The following ARFIP1 variants were observed in gnomAD, a reference collection of about 807,000 sequenced individuals.
ARFIP1 encodes the protein arfaptin-1.
A neutral mutation model predicts 42.5 loss-of-function variants in ARFIP1; 24 were observed. The ratio of observed to expected loss-of-function variants is 0.57; its 90% CI spans 0.41 to 0.80. The LOEUF is 0.80. ARFIP1 is among the 30% of genes least tolerant of loss of function. The probability of loss-of-function intolerance (pLI) is 0.00; values close to 1 mark genes in which losing one functional copy is unlikely to be tolerated. For missense variants in ARFIP1, 354 were observed against 434.0 expected (o/e 0.82, Z 1.64); for synonymous variants, 141 against 153.7 (o/e 0.92, Z 0.61).
intron 1 of ARFIP1, among the ~76,000 whole-genome samples, chr4:152,818,277 C>T (rs1578862561): frequency 2.6e-5 from 4 of 152,284 alleles, no homozygotes; most frequent in South Asian, 4.1e-4. Context: ...AATGGTGTCT[C>T]CAGAGCTTGG....
At chr4:152,803,589 G>A (rs908691237) in intron 1 of ARFIP1, among the ~76,000 whole-genome samples, 2 of 152,088 alleles carry the variant, frequency 1.3e-5, no homozygotes, top group African/African-American at 4.8e-5. Context: ...AAACCACTGA[G>A]CTGTCATGAT....
chr4:152,862,241 T>C (rs1040973199), intron 2 of ARFIP1, among the ~76,000 whole-genome samples: 4 of 152,158 alleles, frequency 2.6e-5, no homozygotes, highest in African/African-American at 9.7e-5. Context: ...CTAACCCTAT[T>C]CCATCCCTCC....
At chr4:152,793,449 G>T (rs888592954) in intron 1 of ARFIP1, among the ~76,000 whole-genome samples, 4 of 151,534 alleles carry the variant, frequency 2.6e-5, no homozygotes, top group African/African-American at 9.7e-5. Flanking sequence ...GAATGATAAT[G>T]ATGTACAGTG....
intron 3 of ARFIP1, among the ~76,000 whole-genome samples, chr4:152,866,446 C>T (rs1294654946): frequency 1.7e-4 from 25 of 149,798 alleles, no homozygotes; most frequent in Non-Finnish European, 3.0e-4. Flanking sequence ...TAGGGGCGGC[C>T]GGGCAGAGGC....
intron 1 of ARFIP1, among the ~76,000 whole-genome samples, chr4:152,813,327 A>G (rs1242437370): frequency 6.6e-6 from 1 of 152,118 alleles, no homozygotes; most frequent in Admixed American, 6.5e-5. Flanking sequence ...GGGGTCCTGG[A>G]ACCAGTCCCC....
intron 8 of ARFIP1, among the ~76,000 whole-genome samples, chr4:152,893,882 G>A (rs553295185): frequency 5.7e-4 from 87 of 151,978 alleles, no homozygotes; most frequent in Non-Finnish European, 1.0e-3. Flanking sequence ...TTCACTCACA[G>A]TGTTTCATAT....
At chr4:152,831,702 A>G (rs571672391) in intron 2 of ARFIP1, among the ~76,000 whole-genome samples, 17 of 152,312 alleles carry the variant, frequency 1.1e-4, no homozygotes, top group Admixed American at 4.6e-4. Flanking sequence ...CTCTTTTTCA[A>G]CTGGCTTTCA....
chr4:152,784,038 C>T (rs1020338488), intron 1 of ARFIP1, among the ~76,000 whole-genome samples: 2 of 152,076 alleles, frequency 1.3e-5, no homozygotes, highest in African/African-American at 4.8e-5. Flanking sequence ...TAGAATAATA[C>T]ATTTGGGATG....
chr4:152,799,719 G>A (rs1223697694), intron 1 of ARFIP1, among the ~76,000 whole-genome samples: 1 of 151,854 alleles, frequency 6.6e-6, no homozygotes, highest in Non-Finnish European at 1.5e-5. Flanking sequence ...TTTAAGATCA[G>A]ATCTCTGAAT....
At chr4:152,884,943 C>T (rs1159023168) in intron 7 of ARFIP1, among the ~76,000 whole-genome samples, 2 of 152,032 alleles carry the variant, frequency 1.3e-5, no homozygotes, top group Non-Finnish European at 2.9e-5. Context: ...AAGGGAAACC[C>T]TTACACAGCC....
chr4:152,788,796 A>G (rs912907614), intron 1 of ARFIP1, among the ~76,000 whole-genome samples: 11 of 140,390 alleles, frequency 7.8e-5, no homozygotes, highest in African/African-American at 2.9e-4. Flanking sequence ...ACTTTTCCCC[A>G]ATGTCTTTTT....
chr4:152,849,660 G>A (rs571324020), intron 2 of ARFIP1, among the ~76,000 whole-genome samples: 1 of 152,180 alleles, frequency 6.6e-6, no homozygotes. Context: ...GAAATTGTGT[G>A]TCTGTGGCAG....
At chr4:152,793,169 G>GT (rs1731231128) in intron 1 of ARFIP1, among the ~76,000 whole-genome samples, 1 of 151,734 alleles carries the variant, frequency 6.6e-6, no homozygotes, top group Admixed American at 6.6e-5. Context: ...CTTAAGTCTT[G>GT]TTACTCCCAT....
intron 1 of ARFIP1, among the ~76,000 whole-genome samples, chr4:152,816,648 A>G (rs1729910705): frequency 6.6e-6 from 1 of 152,240 alleles, no homozygotes; most frequent in Non-Finnish European, 1.5e-5. Flanking sequence ...ACTAGAATGT[A>G]AGCTCTATGA....
intron 2 of ARFIP1, among the ~76,000 whole-genome samples, chr4:152,861,235 A>C (rs551145747): frequency 1.1e-4 from 17 of 152,308 alleles, no homozygotes; most frequent in African/African-American, 4.1e-4. Flanking sequence ...TCCTCCAAAG[A>C]TGATGCAAAG....
intron 1 of ARFIP1, among the ~76,000 whole-genome samples, chr4:152,808,010 C>T (rs1040319666): frequency 4.6e-5 from 7 of 151,758 alleles, no homozygotes; most frequent in African/African-American, 1.5e-4. Flanking sequence ...GACAGAGTTT[C>T]GCTGTTGTTG....
At chr4:152,883,707 T>C (rs1736037873) in intron 7 of ARFIP1, among the ~76,000 whole-genome samples, 1 of 151,208 alleles carries the variant, frequency 6.6e-6, no homozygotes, top group African/African-American at 2.4e-5. Context: ...AATATATTAA[T>C]AAATATTTTG....
At chr4:152,810,846 C>T (rs1729391987) in intron 1 of ARFIP1, among the ~76,000 whole-genome samples, 1 of 152,052 alleles carries the variant, frequency 6.6e-6, no homozygotes, top group South Asian at 2.1e-4. Flanking sequence ...TTCCACATCT[C>T]TTCCTACTAT....
intron 2 of ARFIP1, among the ~76,000 whole-genome samples, chr4:152,837,075 C>T (rs1162183879): frequency 1.3e-5 from 2 of 152,066 alleles, no homozygotes; most frequent in Non-Finnish European, 2.9e-5. Context: ...TAGTAGTCTC[C>T]AATCTCATCC....
Sources: gnomAD v4.1 joint callset for allele counts (sites outside exome capture counted in the v4.1 genomes callset) on GRCh38, gnomAD v4.1.1 for gene constraint, MANE v1.5 for transcripts, NCBI Gene and HGNC (gene_info 2026-07-23, HGNC 2026-07-21) for gene names.